NR1D2: variants seen among roughly 807,000 people sequenced by gnomAD.
The protein encoded by NR1D2 is V-erbA-related protein 1-related.
A neutral mutation model predicts 52.2 loss-of-function variants in NR1D2; 25 were observed. The ratio of observed to expected loss-of-function variants is 0.48; its 90% CI spans 0.35 to 0.67. NR1D2 has a LOEUF of 0.67. Among genes scored for constraint, NR1D2 ranks in the 30% least tolerant of loss-of-function variants. The pLI is 0.01. For synonymous variants in NR1D2, 259 were observed against 230.1 expected (o/e 1.13, Z -1.14); for missense variants, 681 against 707.2 (o/e 0.96, Z 0.42).
At chr3:23,947,064 C>G (rs1434326393) in intron 1 of NR1D2, among the ~76,000 whole-genome samples, 1 of 152,074 alleles carries the variant, frequency 6.6e-6, no homozygotes. Flanking sequence ...AAATCTGGAT[C>G]TAATTGTGTT....
intron 5 of NR1D2, chr3:23,963,594 C>T (rs1206448390): frequency 6.4e-6 from 1 of 157,050 alleles, no homozygotes; most frequent in Non-Finnish European, 1.4e-5. Context: ...GGATTACAGG[C>T]ATGCATCACC....
intron 7 of NR1D2, among the ~76,000 whole-genome samples, chr3:23,976,753 T>C: frequency 6.6e-6 from 1 of 151,512 alleles, no homozygotes; most frequent in Admixed American, 6.6e-5. Context: ...GTCCACTTAG[T>C]AGGAGGAGGT....
At chr3:23,964,817 T>C (rs564972206) in intron 5 of NR1D2, 160 bp from the exon 6 acceptor site, 9 of 555,592 alleles carry the variant, frequency 1.6e-5, no homozygotes, top group African/African-American at 1.1e-4. Context: ...TTCTACAGTA[T>C]GGTGGGCAGC....
chr3:23,978,283 G>A lies in NR1D2; in HGVS notation c.*864G>A, dbSNP rs980050551. ...ATATTTCTTCACAATATTTTAAACTGTGAAGAACTTTATCATACAGGAAAC... is the reference window on the plus strand; with the variant it reads ...ATATTTCTTCACAATATTTTAAACTATGAAGAACTTTATCATACAGGAAAC... On this transcript the variant is annotated 3_prime_UTR_variant, in exon 8 of 8. Transcript: ENST00000312521. 6.6e-6 allele frequency: 1 copy of A among 152,150 alleles called. No homozygotes were observed. The highest frequency in any genetic ancestry group is 1.5e-5 in the Non-Finnish European group (1 of 68,008). 9.4% of individuals were successfully genotyped at this position (152,150 alleles called of 1,614,324 possible).
At position 23,978,763 on chromosome 3, in the gene NR1D2, A is replaced by AT. The variant is rs1431376405; in HGVS notation, c.*1348dup. 3.3e-5 allele frequency: 5 copies of AT among 152,172 alleles called. No individual in the cohort carries two copies. The South Asian group carries it at 1.0e-3, about 32-fold the overall frequency. 9.4% of individuals were successfully genotyped at this position (152,172 alleles called of 1,614,324 possible). ...TTTTTTCCTAAATAACACTACAGGG[A>AT]TTTTGTCATATTAGATTTAATTTAT... On this transcript the variant is annotated 3_prime_UTR_variant, in exon 8 of 8. Coordinates refer to ENST00000312521, the MANE Select transcript of NR1D2 (RefSeq NM_005126.5).
At chr3:23,973,676 A>G (rs1157393439) in intron 7 of NR1D2, among the ~76,000 whole-genome samples, 1 of 152,158 alleles carries the variant, frequency 6.6e-6, no homozygotes, top group Non-Finnish European at 1.5e-5. Flanking sequence ...TTTTTCTTCC[A>G]TAATAAATTA....
At chr3:23,951,154 C>T (rs1412237965) in intron 1 of NR1D2, among the ~76,000 whole-genome samples, 1 of 152,128 alleles carries the variant, frequency 6.6e-6, no homozygotes, top group Non-Finnish European at 1.5e-5. Flanking sequence ...ATCCGCCTGC[C>T]TCGGCCTCCC....
chr3:23,947,217 A>G (rs930113396), intron 1 of NR1D2, among the ~76,000 whole-genome samples: 1 of 152,202 alleles, frequency 6.6e-6, no homozygotes, highest in African/African-American at 2.4e-5. Flanking sequence ...ATGAATTCTA[A>G]TAGCTTTAGT....
intron 1 of NR1D2, chr3:23,946,129 C>T (rs1444640921): frequency 1.0e-6 from 1 of 985,044 alleles, no homozygotes; most frequent in Non-Finnish European, 1.2e-6. Context: ...TTCCCTCCTC[C>T]CCCGCGGGGT....
intron 6 of NR1D2, among the ~76,000 whole-genome samples, 167 bp from the exon 7 acceptor site, chr3:23,967,646 T>G (rs535988443): frequency 6.6e-6 from 1 of 151,760 alleles, no homozygotes; most frequent in East Asian, 1.9e-4. Context: ...ATATAGAATA[T>G]AGAATAGAAT....
chr3:23,953,052 T>G (rs908942400), intron 1 of NR1D2, among the ~76,000 whole-genome samples: 1 of 151,686 alleles, frequency 6.6e-6, no homozygotes, highest in African/African-American at 2.4e-5. Context: ...TAAAAATGAT[T>G]GATAGGCCCG....
intron 1 of NR1D2, 122 bp from the exon 2 acceptor site, chr3:23,954,415 A>G: frequency 2.4e-6 from 2 of 847,098 alleles, no homozygotes; most frequent in Middle Eastern, 3.5e-4. Context: ...CTTTTGGTGT[A>G]AGCAAACATT....
At chr3:23,951,980 C>T (rs1204378609) in intron 1 of NR1D2, among the ~76,000 whole-genome samples, 1 of 152,182 alleles carries the variant, frequency 6.6e-6, no homozygotes, top group East Asian at 1.9e-4. Flanking sequence ...GTCACTTTGT[C>T]TTCCAGGGAG....
rs1364230550 is a variant in NR1D2 at position 23,962,620 on chromosome 3, A to AT, written c.1146+21dup. 5 of 1,562,364 alleles carry AT rather than the reference A, an allele frequency of 3.2e-6. No homozygotes were observed. The highest frequency in any genetic ancestry group is 1.2e-5 in the South Asian group (1 of 84,404). On this transcript the variant is annotated intron_variant, in intron 5 of 7. Coordinates refer to ENST00000312521, the MANE Select transcript of NR1D2 (RefSeq NM_005126.5). Reference sequence around the variant, plus strand: ...GAATGCATCTGGTATAGTGAAATCGATTTTTTGCTTACATTGTATCAGGGA... The same window carrying AT: ...GAATGCATCTGGTATAGTGAAATCGATTTTTTTGCTTACATTGTATCAGGGA...
intron 3 of NR1D2, among the ~76,000 whole-genome samples, chr3:23,958,332 T>A (rs1706140038): frequency 6.6e-6 from 1 of 152,128 alleles, no homozygotes; most frequent in South Asian, 2.1e-4. Context: ...TCAAACATAT[T>A]TCTCAGTCCA....
At chr3:23,955,539 A>G (rs556057160) in intron 2 of NR1D2, among the ~76,000 whole-genome samples, 2 of 152,334 alleles carry the variant, frequency 1.3e-5, no homozygotes, top group Admixed American at 6.5e-5. Context: ...TTAAAAGAAA[A>G]TTATGGCTGG....
chr3:23,979,474 T>C lies in NR1D2; in HGVS notation c.*2055T>C, dbSNP rs1379096353. 6.6e-6 allele frequency: 1 copy of C among 152,046 alleles called. No individual in the cohort carries two copies. Among genetic ancestry groups the C allele is most frequent in the Non-Finnish European group, 1.5e-5 (1 of 67,940 alleles). 9.4% of individuals were successfully genotyped at this position (152,046 alleles called of 1,614,324 possible). ...TAAGCCTCTTTATAACATGTATCTT[T>C]AAAACAATTAAGTCTTTAGGAATGT... On this transcript the variant is annotated 3_prime_UTR_variant, in exon 8 of 8. Coordinates refer to ENST00000312521, the MANE Select transcript of NR1D2 (RefSeq NM_005126.5).
chr3:23,958,942 C>T (rs1706159217), intron 3 of NR1D2, among the ~76,000 whole-genome samples: 1 of 152,128 alleles, frequency 6.6e-6, no homozygotes. Context: ...GAGCAAGAGT[C>T]TGTCTCAAGA....
rs982434263 is a variant in NR1D2 at position 23,979,938 on chromosome 3, C to T, written c.*2519C>T. ...GTCAGCAAACTTAAGGGCATTATGT[C>T]AGCAAGCTAAAACATTTTTTTTCCT... is the stretch of plus-strand genomic sequence containing the variant. On this transcript the variant is annotated 3_prime_UTR_variant, in exon 8 of 8. Transcript: ENST00000312521. 2 of 152,086 alleles carry T rather than the reference C, an allele frequency of 1.3e-5. No homozygotes were observed. The highest frequency in any genetic ancestry group is 1.9e-4 in the East Asian group (1 of 5,202). 9.4% of individuals were successfully genotyped at this position (152,086 alleles called of 1,614,324 possible).
Sources: gnomAD v4.1 joint callset for allele counts (sites outside exome capture counted in the v4.1 genomes callset) on GRCh38, gnomAD v4.1.1 for gene constraint, MANE v1.5 for transcripts, NCBI Gene and HGNC (gene_info 2026-07-23, HGNC 2026-07-21) for gene names.